HECW1: variants seen among roughly 807,000 people sequenced by gnomAD.
HECW1 encodes E3 ubiquitin-protein ligase HECW1.
A neutral mutation model predicts 182.3 loss-of-function variants in HECW1; 61 were observed. The observed-to-expected ratio is 0.33, with a 90% CI of 0.27 to 0.41. The LOEUF is 0.41. HECW1 is among the 10% of genes least tolerant of loss of function. The pLI is 1.00. For synonymous variants in HECW1, 859 were observed against 832.6 expected, an observed-to-expected ratio of 1.03 and a Z score of -0.55; for missense variants, 1,739 against 2,108.9, an observed-to-expected ratio of 0.82 and a Z score of 3.44.
In HECW1 at chr7:43,178,296, G is replaced by A. The variant is rs59543710; in HGVS notation, c.-32+63905G>A. Among the ~76,000 whole-genome samples the A allele has an allele frequency of 2.3e-3, 317 of 134,954 alleles. 1 individual carries two copies. Among genetic ancestry groups the A allele is most frequent in the African/African-American group, 8.3e-3 (286 of 34,284 alleles). 88.5% of individuals were successfully genotyped at this position (134,954 alleles called of 152,430 possible). On this transcript the variant is annotated intron_variant, in intron 2 of 29. Transcript: ENST00000395891. ...ACTGGGATTACAGGCGTGAGCCACC[G>A]CACCTGGCCAGCAGGGTTCTATCTA...
At chr7:43,272,140 A>G (rs1000310278) in intron 3 of HECW1, among the ~76,000 whole-genome samples, 1 of 152,106 alleles carries the variant, frequency 6.6e-6, no homozygotes, top group African/African-American at 2.4e-5. Context: ...GGCTAGTCAC[A>G]AGCAGAAGAA....
chr7:43,178,594 A>G (rs922012721), intron 2 of HECW1, among the ~76,000 whole-genome samples: 10 of 152,196 alleles, frequency 6.6e-5, no homozygotes, highest in African/African-American at 2.4e-4. Context: ...AATGCTTATT[A>G]GGCACTGGTC....
In HECW1 at chr7:43,416,921, A is replaced by C. The variant is rs1157093540; in HGVS notation, c.801+9190A>C. Among the ~76,000 whole-genome samples, 5 of 152,104 alleles carry C rather than the reference A, an allele frequency of 3.3e-5. No homozygotes were observed. The East Asian group carries it at 9.7e-4, about 29-fold the overall frequency. ...TGTGCGCACCCACTGGCCTGCACCC[A>C]CTGCCTGGCACTCCCTAGTGAGATG... On this transcript the variant is annotated intron_variant, in intron 8 of 29. Transcript: ENST00000395891.
intron 24 of HECW1, among the ~76,000 whole-genome samples, chr7:43,525,466 C>T (rs545348401): frequency 2.6e-3 from 403 of 152,144 alleles, no homozygotes; most frequent in African/African-American, 9.3e-3. Context: ...ATACATTCAG[C>T]GGGGTGGAGG....
intron 17 of HECW1, among the ~76,000 whole-genome samples, chr7:43,487,206 G>A (rs199577792): frequency 6.6e-6 from 1 of 152,078 alleles, no homozygotes; most frequent in East Asian, 1.9e-4. Context: ...CCCAAATTCA[G>A]TCTAAAACAT....
chr7:43,303,633 T>G (rs1264472604), intron 3 of HECW1, among the ~76,000 whole-genome samples: 3 of 152,094 alleles, frequency 2.0e-5, no homozygotes, highest in African/African-American at 7.2e-5. Flanking sequence ...GCCCACACAA[T>G]TTAGTTTATG....
At chr7:43,126,794 G>A (rs1786293812) in intron 2 of HECW1, among the ~76,000 whole-genome samples, 1 of 152,082 alleles carries the variant, frequency 6.6e-6, no homozygotes. Context: ...TATCTGTTAT[G>A]GTGATCTCTG....
chr7:43,165,764 AAT>A (rs1791052640), intron 2 of HECW1, among the ~76,000 whole-genome samples: 1 of 152,182 alleles, frequency 6.6e-6, no homozygotes, highest in East Asian at 1.9e-4. Context: ...TATTAAGACA[AAT>A]AAAGTTGAGA....
chr7:43,167,382 A>T (rs769939771), intron 2 of HECW1, among the ~76,000 whole-genome samples: 4 of 152,130 alleles, frequency 2.6e-5, no homozygotes, highest in Non-Finnish European at 5.9e-5. Flanking sequence ...TTATCTCAAG[A>T]TCCTTGCTTA....
At chr7:43,134,393 C>CAAAAAA (rs35414360) in intron 2 of HECW1, among the ~76,000 whole-genome samples, 11 of 87,762 alleles carry the variant, frequency 1.3e-4, no homozygotes, top group Admixed American at 4.4e-4. Context: ...GACTCTGTCT[C>CAAAAAA]AAAAAAAAAA....
intron 3 of HECW1, among the ~76,000 whole-genome samples, chr7:43,287,097 A>G (rs559605732): frequency 6.6e-6 from 1 of 152,272 alleles, no homozygotes; most frequent in Admixed American, 6.5e-5. Flanking sequence ...CATGGAATGT[A>G]CCTTGTTGTG....
Position 43,374,799 on chromosome 7 carries a change from A to AAAC in HECW1, c.555+13820_555+13821insACA, listed in dbSNP as rs1303274874. The stretch of plus-strand genomic sequence containing the variant: ...AAAAAAAAAAAAAAAAAAAAAAAAA[A>AAAC]ATAGAGAAATATAATAACCAGTGAA... On this transcript the variant is annotated intron_variant, in intron 6 of 29. Coordinates refer to ENST00000395891, the MANE Select transcript of HECW1 (RefSeq NM_015052.5). Among the ~76,000 whole-genome samples the AAAC allele has an allele frequency of 3.7e-5, 2 of 54,074 alleles. 1 individual carries two copies. Among genetic ancestry groups the AAAC allele is most frequent in the Non-Finnish European group, 5.9e-5 (2 of 33,850 alleles). 35.5% of individuals were successfully genotyped at this position (54,074 alleles called of 152,430 possible).
At chr7:43,480,802 A>T (rs890846509) in intron 17 of HECW1, among the ~76,000 whole-genome samples, 1 of 152,030 alleles carries the variant, frequency 6.6e-6, no homozygotes, top group Non-Finnish European at 1.5e-5. Flanking sequence ...CTCCAGAGAA[A>T]CTGGGAAGAT....
At chr7:43,533,740 G>A (rs2081076427) in intron 24 of HECW1, among the ~76,000 whole-genome samples, 1 of 152,158 alleles carries the variant, frequency 6.6e-6, no homozygotes, top group African/African-American at 2.4e-5. Context: ...AGGCACAAGA[G>A]CCAAGCACAT....
At chr7:43,255,238 G>A (rs1341301455) in intron 3 of HECW1, among the ~76,000 whole-genome samples, 1 of 152,166 alleles carries the variant, frequency 6.6e-6, no homozygotes, top group African/African-American at 2.4e-5. Flanking sequence ...TAGCTGGAGA[G>A]AGTCAAGTAC....
chr7:43,149,694 A>G (rs80286615), intron 2 of HECW1, among the ~76,000 whole-genome samples: 22,684 of 152,180 alleles, frequency 0.15, 1,906 homozygotes, highest in South Asian at 0.23. Context: ...CAACTTTTCT[A>G]TAAGCCTAAA....
At chr7:43,227,133 T>C (rs1797500592) in intron 2 of HECW1, among the ~76,000 whole-genome samples, 1 of 152,228 alleles carries the variant, frequency 6.6e-6, no homozygotes, top group East Asian at 1.9e-4. Context: ...GTGTCCTGCT[T>C]TATGTTAAAT....
chr7:43,159,930 C>T (rs946558285), intron 2 of HECW1, among the ~76,000 whole-genome samples: 5 of 152,162 alleles, frequency 3.3e-5, no homozygotes, highest in Non-Finnish European at 5.9e-5. Flanking sequence ...CTGCCCGCCT[C>T]GGCCTCTCAA....
chr7:43,246,799 G>A (rs1799420196), intron 3 of HECW1, among the ~76,000 whole-genome samples: 1 of 152,160 alleles, frequency 6.6e-6, no homozygotes, highest in Non-Finnish European at 1.5e-5. Flanking sequence ...TTTGTGACAG[G>A]GAAAGGGAGG....
Sources: gnomAD v4.1 joint callset for allele counts (sites outside exome capture counted in the v4.1 genomes callset) on GRCh38, gnomAD v4.1.1 for gene constraint, MANE v1.5 for transcripts, NCBI Gene and HGNC (gene_info 2026-07-23, HGNC 2026-07-21) for gene names.